The following IL23R variants were observed in gnomAD, a reference collection of about 807,000 sequenced individuals.
IL23R encodes interleukin-23 receptor.
In IL23R, 34 loss-of-function variants were observed where a neutral mutation model predicts 56.9. The observed-to-expected ratio is 0.60, with a 90% CI of 0.45 to 0.80. The LOEUF (loss-of-function observed/expected upper bound fraction) is 0.80, where lower values mean the gene tolerates loss of function less well. IL23R is among the 30% of genes least tolerant of loss of function. The pLI, the probability that IL23R is intolerant of heterozygous loss-of-function variation, is 0.00. For synonymous variants in IL23R, 230 were observed against 249.2 expected, an observed-to-expected ratio of 0.92 and a Z score of 0.73; for missense variants, 635 against 730.0, an observed-to-expected ratio of 0.87 and a Z score of 1.50.
intron 5 of IL23R, among the ~76,000 whole-genome samples, chr1:67,204,655 A>G (rs1648882737): frequency 6.6e-6 from 1 of 152,118 alleles, no homozygotes; most frequent in South Asian, 2.1e-4. Context: ...TCAGAGGTGG[A>G]GGTGGGTGAC....
chr1:67,183,183 TTCA>T (rs1381351872), intron 4 of IL23R, among the ~76,000 whole-genome samples: 2 of 152,234 alleles, frequency 1.3e-5, no homozygotes, highest in Non-Finnish European at 2.9e-5. Flanking sequence ...GTCCTTTTTA[TTCA>T]TTAGTAGGTA....
chr1:67,178,375 A>T (rs1647041067), intron 3 of IL23R, among the ~76,000 whole-genome samples: 2 of 152,112 alleles, frequency 1.3e-5, no homozygotes, highest in Admixed American at 1.3e-4. Flanking sequence ...ATTCTCTTTG[A>T]AGCAATTGTG....
intron 6 of IL23R, among the ~76,000 whole-genome samples, chr1:67,209,949 T>C (rs772768028): frequency 2.0e-5 from 3 of 152,210 alleles, no homozygotes; most frequent in Non-Finnish European, 2.9e-5. Flanking sequence ...TCAGTGATCA[T>C]GGATAAAAAA....
intron 3 of IL23R, among the ~76,000 whole-genome samples, chr1:67,177,636 G>A (rs1424411712): frequency 6.6e-6 from 1 of 151,418 alleles, no homozygotes; most frequent in Non-Finnish European, 1.5e-5. Flanking sequence ...GATCCCATTT[G>A]TCAATTTTGG....
intron 1 of IL23R, among the ~76,000 whole-genome samples, chr1:67,150,248 C>CTTTTTTT (rs552806817): frequency 3.9e-3 from 425 of 109,906 alleles, no homozygotes; most frequent in Non-Finnish European, 4.6e-3. Context: ...GCATTTCGAA[C>CTTTTTTT]TTTTTTTTTT....
In IL23R at chr1:67,255,830, T is replaced by A. The variant is rs1432665285; in HGVS notation, c.1149-7T>A. The A allele has an allele frequency of 1.1e-5, 15 of 1,426,600 alleles. No individual in the cohort carries two copies. Among genetic ancestry groups the A allele is most frequent in the Middle Eastern group, 1.7e-4 (1 of 5,718 alleles). 88.4% of individuals were successfully genotyped at this position (1,426,600 alleles called of 1,614,324 possible). ...GCTTCTTCTAACGTGTCATTTTTGTTTTTTAGGATTAAAAGAAGGATCTTA... is the reference window on the plus strand; with the variant it reads ...GCTTCTTCTAACGTGTCATTTTTGTATTTTAGGATTAAAAGAAGGATCTTA... On this transcript the variant is annotated splice_polypyrimidine_tract_variant and splice_region_variant and intron_variant, in intron 9 of 10. Transcript: ENST00000347310.
chr1:67,254,108 A>G (rs1055360060), intron 9 of IL23R, among the ~76,000 whole-genome samples: 11 of 152,066 alleles, frequency 7.2e-5, no homozygotes, highest in Admixed American at 1.3e-4. Flanking sequence ...TCGCTCTATC[A>G]TCCATACTGG....
At chr1:67,166,321 TA>T (rs1451889117), upstream of IL23R, 1 of 152,288 alleles carries the variant, frequency 6.6e-6, no homozygotes, top group Non-Finnish European at 1.5e-5. Flanking sequence ...TTTCCCCAAA[TA>T]GTGACACGAG....
At position 67,258,657 on chromosome 1, in the gene IL23R, A is replaced by G. The variant is rs942759458; in HGVS notation, c.1419A>G (p.Thr473=). ...AAAACTCGCTATTCGACAATACTAC[A>G]GTTGTATATATTCCTGATCTCAACA... The part of the protein sequence containing the change: ...YPQNSLFDNT[T]VVYIPDLNTG... The change falls in exon 11 of 11, where the codon ACA becomes ACG. Residue 473 remains threonine (T), a synonymous_variant. Transcript: ENST00000347310. 1 of 1,613,948 alleles carries G rather than the reference A, an allele frequency of 6.2e-7. No homozygotes were observed. Among genetic ancestry groups the G allele is most frequent in the East Asian group, 2.2e-5 (1 of 44,860 alleles).
At chr1:67,227,999 TTTC>T (rs1317804525) in intron 7 of IL23R, among the ~76,000 whole-genome samples, 8 of 101,678 alleles carry the variant, frequency 7.9e-5, no homozygotes, top group African/African-American at 2.1e-4. Context: ...TCTTTCTTTC[TTTC>T]TTTCTTTCTT....
intron 1 of IL23R, among the ~76,000 whole-genome samples, chr1:67,141,742 AG>A (rs1488497944): frequency 2.6e-5 from 4 of 152,160 alleles, no homozygotes; most frequent in African/African-American, 9.7e-5. Context: ...TGGGTGACAG[AG>A]TGTGCAGTGG....
In IL23R at chr1:67,259,494, C is replaced by A; in HGVS notation, c.*366C>A. 1 of 301,246 alleles carries A rather than the reference C, an allele frequency of 3.3e-6. No individual in the cohort carries two copies. Among genetic ancestry groups the A allele is most frequent in the Non-Finnish European group, 6.3e-6 (1 of 158,634 alleles). 18.7% of individuals were successfully genotyped at this position (301,246 alleles called of 1,614,324 possible). On this transcript the variant is annotated 3_prime_UTR_variant, in exon 11 of 11. Transcript: ENST00000347310. Reference sequence around the variant, plus strand: ...AGGTGGAACATGCTTCATGGTCACACATACAGGCACAAAAACAGCATTATG... The same window carrying A: ...AGGTGGAACATGCTTCATGGTCACAAATACAGGCACAAAAACAGCATTATG...
At chr1:67,249,569 T>G (rs1436889184) in intron 9 of IL23R, among the ~76,000 whole-genome samples, 1 of 152,132 alleles carries the variant, frequency 6.6e-6, no homozygotes, top group Non-Finnish European at 1.5e-5. Context: ...ATTTTAGAAA[T>G]CCTATACAAT....
At chr1:67,139,981 G>A (rs28560015) in intron 1 of IL23R, among the ~76,000 whole-genome samples, 1,978 of 152,212 alleles carry the variant, frequency 0.013, 39 homozygotes, top group African/African-American at 0.045. Flanking sequence ...AAACCTAAGC[G>A]AGCAAGCATA....
At chr1:67,229,858 A>G (rs911819570) in intron 7 of IL23R, among the ~76,000 whole-genome samples, 2 of 152,180 alleles carry the variant, frequency 1.3e-5, no homozygotes, top group Non-Finnish European at 2.9e-5. Context: ...TACCTCCCCA[A>G]CCACTACCAC....
chr1:67,246,340 T>C (rs1281253692), intron 9 of IL23R, among the ~76,000 whole-genome samples: 2 of 152,222 alleles, frequency 1.3e-5, no homozygotes, highest in African/African-American at 4.8e-5. Flanking sequence ...TAGTTACTTC[T>C]TGTCTTCTGC....
chr1:67,201,564 A>C lies in IL23R; in HGVS notation c.652+667A>C, dbSNP rs552243937. On this transcript the variant is annotated intron_variant, in intron 5 of 10. Coordinates refer to ENST00000347310, the MANE Select transcript of IL23R (RefSeq NM_144701.3). ...TACTAGGGAAGGCAAAAAAAAAAAA[A>C]ACAAAAAAACACTATGATCATGATA... 1.5e-3 allele frequency among the ~76,000 whole-genome samples: 223 copies of C among 151,802 alleles called. 1 individual carries two copies. Among genetic ancestry groups the C allele is most frequent in the Middle Eastern group, 0.01 (3 of 294 alleles).
chr1:67,203,288 G>GTGAT (rs1558241522), intron 5 of IL23R, among the ~76,000 whole-genome samples: 2 of 152,060 alleles, frequency 1.3e-5, no homozygotes, highest in Non-Finnish European at 2.9e-5. Context: ...AATGATTTGC[G>GTGAT]CAAAGTCACT....
chr1:67,177,458 T>C (rs944775198), intron 3 of IL23R, among the ~76,000 whole-genome samples: 1 of 152,088 alleles, frequency 6.6e-6, no homozygotes, highest in Admixed American at 6.5e-5. Flanking sequence ...CACTTTTTGA[T>C]GGGGTTGTTT....
Sources: allele counts gnomAD v4.1 joint callset (sites outside exome capture counted in the v4.1 genomes callset), GRCh38; gene constraint gnomAD v4.1.1; transcripts MANE v1.5; gene names NCBI Gene and HGNC (gene_info 2026-07-23, HGNC 2026-07-21).